ZFHX4: variants seen among roughly 807,000 people sequenced by gnomAD.
The protein encoded by ZFHX4 is zinc finger homeobox 4.
ZFHX4 carries 56 observed loss-of-function variants against 267.6 expected under a neutral mutation model. The ratio of observed to expected loss-of-function variants is 0.21; its 90% CI spans 0.17 to 0.26. ZFHX4 has a LOEUF of 0.26. ZFHX4 is among the 10% of genes least tolerant of loss of function. The probability of loss-of-function intolerance (pLI) is 1.00; values close to 1 mark genes in which losing one functional copy is unlikely to be tolerated. For synonymous variants in ZFHX4, 1,778 were observed against 1,665.6 expected (o/e 1.07, Z -1.64); for missense variants, 4,332 against 4,420.0 (o/e 0.98, Z 0.56).
Position 76,707,636 on chromosome 8 carries a change from C to T in ZFHX4, c.2681C>T (p.Pro894Leu). The T allele has an allele frequency of 1.2e-6, 2 of 1,613,818 alleles. No homozygotes were observed. Among genetic ancestry groups the T allele is most frequent in the Non-Finnish European group, 8.5e-7 (1 of 1,179,880 alleles). ...CTCCTTACTGCAGGAGAGCTGTCAC[C>T]TTATATCAGTGACCCAGCGCTGAAG... The part of the protein sequence containing the change: ...LSLLTAGELS[P>L]YISDPALKLF... The change falls in exon 3 of 11, where the codon CCT becomes CTT. Residue 894 changes from proline to leucine, a missense_variant. Physicochemically the swap from Pro to Leu is moderately conservative, Grantham distance 98 (BLOSUM62 -3). Transcript: ENST00000651372.
intron 3 of ZFHX4, among the ~76,000 whole-genome samples, chr8:76,754,043 A>G (rs1423331099): frequency 2.0e-5 from 3 of 152,186 alleles, no homozygotes; most frequent in African/African-American, 4.8e-5. Flanking sequence ...AACCTCCCCA[A>G]GAATCTATTT....
At chr8:76,765,679 A>G (rs189920059) in intron 3 of ZFHX4, among the ~76,000 whole-genome samples, 2 of 152,158 alleles carry the variant, frequency 1.3e-5, no homozygotes, top group South Asian at 2.1e-4. Flanking sequence ...GTCAGAAAAT[A>G]AACTGTCACA....
Position 76,864,537 on chromosome 8 carries a change from G to A in ZFHX4, c.10823G>A (p.Ser3608Asn), listed in dbSNP as rs1429898175. The A allele has an allele frequency of 2.5e-6, 4 of 1,610,092 alleles. No homozygotes were observed. Among genetic ancestry groups the A allele is most frequent in the Non-Finnish European group, 2.5e-6 (3 of 1,178,118 alleles). The stretch of plus-strand genomic sequence containing the variant: ...TCTGGCCTAGATGGTAATTTCAATA[G>A]CATCCGAATGGATATGTTCAGTGTG... ...PASGLDGNFNSIRMDMFSV is the reference protein window; with the variant it reads ...PASGLDGNFNNIRMDMFSV The change falls in exon 11 of 11, where the codon AGC becomes AAC. Residue 3608 changes from serine (S) to asparagine (N), a missense_variant. By Grantham distance (46) the Ser-to-Asn change is conservative. Coordinates refer to ENST00000651372, the MANE Select transcript of ZFHX4 (RefSeq NM_024721.5).
At chr8:76,827,460 G>A (rs768917069) in intron 4 of ZFHX4, among the ~76,000 whole-genome samples, 3 of 152,066 alleles carry the variant, frequency 2.0e-5, no homozygotes, top group Non-Finnish European at 4.4e-5. Flanking sequence ...TTGGGCAACT[G>A]GTTGATAGAT....
intron 3 of ZFHX4, among the ~76,000 whole-genome samples, chr8:76,715,212 G>A (rs1808533220): frequency 6.6e-6 from 1 of 151,988 alleles, no homozygotes; most frequent in African/African-American, 2.4e-5. Flanking sequence ...AAGAATGCAG[G>A]CCAGGCGTGG....
chr8:76,696,005 A>C (rs1181815645), intron 1 of ZFHX4, among the ~76,000 whole-genome samples: 2 of 152,216 alleles, frequency 1.3e-5, no homozygotes, highest in East Asian at 3.8e-4. Flanking sequence ...GGTGCTAACT[A>C]ATCATTTACC....
intron 4 of ZFHX4, among the ~76,000 whole-genome samples, chr8:76,780,992 G>A (rs567479082): frequency 7.2e-5 from 11 of 152,108 alleles, no homozygotes; most frequent in South Asian, 6.2e-4. Context: ...GAAATTGTTC[G>A]GGAGAAGATA....
chr8:76,698,315 T>C (rs1808011843), intron 1 of ZFHX4, among the ~76,000 whole-genome samples: 1 of 152,124 alleles, frequency 6.6e-6, no homozygotes, highest in Non-Finnish European at 1.5e-5. Flanking sequence ...AGTCATATAA[T>C]AGTGTAATTT....
At chr8:76,699,332 T>C (rs1808040805) in intron 1 of ZFHX4, among the ~76,000 whole-genome samples, 1 of 152,154 alleles carries the variant, frequency 6.6e-6, no homozygotes. Context: ...ATATTTTCTA[T>C]CCCTTTACAT....
At position 76,707,837 on chromosome 8, in the gene ZFHX4, A is replaced by G; in HGVS notation, c.2882A>G (p.His961Arg). The G allele has an allele frequency of 6.2e-7, 1 of 1,614,178 alleles. No homozygotes were observed. Among genetic ancestry groups the G allele is most frequent in the Non-Finnish European group, 8.5e-7 (1 of 1,180,004 alleles). Residue 961 changes from histidine to arginine, a missense_variant, in exon 3 of 11, where the codon CAC (histidine) becomes CGC (arginine). Coordinates refer to ENST00000651372, the MANE Select transcript of ZFHX4 (RefSeq NM_024721.5). ...CAGCTCAAAGCCAACTTCCAGCTACACTGCAAGACTGATAAACATATGCAG... is the reference window on the plus strand; with the variant it reads ...CAGCTCAAAGCCAACTTCCAGCTACGCTGCAAGACTGATAAACATATGCAG... ...NTQLKANFQL[H>R]CKTDKHMQKY... is the part of the protein sequence containing the mutation.
intron 6 of ZFHX4, among the ~76,000 whole-genome samples, chr8:76,846,646 TG>T (rs1166489534): frequency 1.3e-5 from 2 of 152,230 alleles, no homozygotes; most frequent in East Asian, 3.9e-4. Context: ...TTAATATACA[TG>T]GTATTAATTA....
intron 4 of ZFHX4, among the ~76,000 whole-genome samples, chr8:76,821,544 C>G (rs1236040374): frequency 6.7e-6 from 1 of 148,956 alleles, no homozygotes; most frequent in Non-Finnish European, 1.5e-5. Flanking sequence ...TTTTTTTTCA[C>G]TAGGCTGTCT....
intron 1 of ZFHX4, among the ~76,000 whole-genome samples, chr8:76,694,597 A>G (rs560112208): frequency 3.0e-4 from 45 of 151,736 alleles, no homozygotes; most frequent in Admixed American, 1.1e-3. Context: ...GGTTGAGTAG[A>G]GTTACTTAAA....
At chr8:76,778,506 CACAA>C (rs1008724169) in intron 4 of ZFHX4, 67 bp downstream of exon 4, 17 of 1,225,536 alleles carry the variant, frequency 1.4e-5, no homozygotes, top group Non-Finnish European at 2.0e-5. Context: ...CACACACACA[CACAA>C]ACACACACAC....
At position 76,851,700 on chromosome 8, in the gene ZFHX4, C is replaced by T. The variant is rs1812527632; in HGVS notation, c.4779C>T (p.Tyr1593=). 1 of 1,613,964 alleles carries T rather than the reference C, an allele frequency of 6.2e-7. No individual in the cohort carries two copies. Among genetic ancestry groups the T allele is most frequent in the Non-Finnish European group, 8.5e-7 (1 of 1,179,880 alleles). Residue 1593 remains tyrosine, a synonymous_variant, in exon 10 of 11, where the codon TAC becomes TAT. Transcript: ENST00000651372. ...ETNSNTDNKP[Y]KCSICNVAYS... ...ACAGCAACACAGATAACAAACCCTA[C>T]AAGTGCAGCATCTGCAATGTTGCAT...
In ZFHX4 at chr8:76,834,091, T is replaced by C. The variant is rs182384961; in HGVS notation, c.3394+685T>C. On this transcript the variant is annotated intron_variant, in intron 5 of 10. Transcript: ENST00000651372. ...TATTTCCTTTTAGTGCTGAATAATATATATATATCATTGTCTTCATATGTC... is the reference window on the plus strand; with the variant it reads ...TATTTCCTTTTAGTGCTGAATAATACATATATATCATTGTCTTCATATGTC... 1.6e-5 allele frequency: 7 copies of C among 438,246 alleles called. No individual in the cohort carries two copies. In the East Asian group the frequency reaches 4.9e-4, roughly 31 times the overall value. The allele number at this position is 438,246 out of a possible 1,614,324, so 27.1% of individuals were successfully genotyped here.
At chr8:76,752,320 T>C (rs563898615) in intron 3 of ZFHX4, among the ~76,000 whole-genome samples, 91 of 150,696 alleles carry the variant, frequency 6.0e-4, no homozygotes, top group African/African-American at 2.1e-3. Flanking sequence ...AAATTAACAG[T>C]GACTTAAAAG....
chr8:76,723,334 T>C (rs1313938718), intron 3 of ZFHX4, among the ~76,000 whole-genome samples: 1 of 152,076 alleles, frequency 6.6e-6, no homozygotes. Flanking sequence ...CTTTGAGATC[T>C]AGTCCAAACT....
intron 5 of ZFHX4, chr8:76,834,161 A>G (rs1413549792): frequency 2.2e-6 from 1 of 447,918 alleles, no homozygotes; most frequent in Admixed American, 2.4e-5. Context: ...GTTGATTCCA[A>G]GTTTTGGCAA....
Sources: gnomAD v4.1 joint callset for allele counts (sites outside exome capture counted in the v4.1 genomes callset) on GRCh38, gnomAD v4.1.1 for gene constraint, MANE v1.5 for transcripts, NCBI Gene and HGNC (gene_info 2026-07-23, HGNC 2026-07-21) for gene names.